The following RABGAP1L variants were observed in gnomAD, a reference collection of about 807,000 sequenced individuals.
RABGAP1L encodes the protein RAB GTPase activating protein 1 like.
RABGAP1L carries 63 observed loss-of-function variants against 137.7 expected under a neutral mutation model. That is an observed-to-expected ratio of 0.46 (90% CI 0.37 to 0.56). RABGAP1L has a LOEUF of 0.56. RABGAP1L is among the 20% of genes least tolerant of loss of function. The pLI is 0.00. For missense variants in RABGAP1L, 1,095 were observed against 1,244.0 expected, an observed-to-expected ratio of 0.88 and a Z score of 1.80; for synonymous variants, 431 against 433.7, an observed-to-expected ratio of 0.99 and a Z score of 0.08.
chr1:174,884,930 G>T (rs188805416), intron 19 of RABGAP1L, among the ~76,000 whole-genome samples: 30 of 152,326 alleles, frequency 2.0e-4, no homozygotes, highest in Non-Finnish European at 2.8e-4. Flanking sequence ...GAATCTGACC[G>T]AGTAATGTTA....
At chr1:174,915,942 T>A (rs915129574) in intron 19 of RABGAP1L, among the ~76,000 whole-genome samples, 1 of 152,298 alleles carries the variant, frequency 6.6e-6, no homozygotes, top group South Asian at 2.1e-4. Context: ...TTTTTTCTTT[T>A]ATGGATTATG....
intron 18 of RABGAP1L, among the ~76,000 whole-genome samples, chr1:174,768,868 G>A (rs1419281596): frequency 1.3e-5 from 2 of 152,164 alleles, no homozygotes; most frequent in Admixed American, 6.5e-5. Flanking sequence ...CAAGAATCTC[G>A]AGTTGCTGCA....
At chr1:174,872,421 T>C (rs577136049) in intron 19 of RABGAP1L, among the ~76,000 whole-genome samples, 1 of 152,312 alleles carries the variant, frequency 6.6e-6, no homozygotes, top group South Asian at 2.1e-4. Context: ...GGTTTCTCAT[T>C]CATATTTTCT....
chr1:174,660,452 C>T, intron 14 of RABGAP1L, among the ~76,000 whole-genome samples: 1 of 152,190 alleles, frequency 6.6e-6, no homozygotes, highest in East Asian at 1.9e-4. Context: ...ATCTTACTGA[C>T]TCCACCTTCA....
At chr1:174,413,188 G>C (rs748676329) in intron 13 of RABGAP1L, among the ~76,000 whole-genome samples, 19 of 151,934 alleles carry the variant, frequency 1.3e-4, no homozygotes, top group Non-Finnish European at 2.1e-4. Context: ...TTTGTTGACT[G>C]TATTAGTTCA....
At chr1:174,201,440 C>T (rs1442300336) in intron 1 of RABGAP1L, among the ~76,000 whole-genome samples, 2 of 152,084 alleles carry the variant, frequency 1.3e-5, no homozygotes, top group Non-Finnish European at 2.9e-5. Context: ...TCAGGTGATC[C>T]GCCCACCTTG....
At chr1:174,817,843 C>T (rs1225917706) in intron 19 of RABGAP1L, among the ~76,000 whole-genome samples, 1 of 152,038 alleles carries the variant, frequency 6.6e-6, no homozygotes, top group African/African-American at 2.4e-5. Context: ...ATTCCAGAGA[C>T]ATTCAAGACA....
In RABGAP1L at chr1:174,994,020, C is replaced by G. The variant is rs1263413339; in HGVS notation, c.*4019C>G. On this transcript the variant is annotated 3_prime_UTR_variant, in exon 26 of 26. Transcript: ENST00000681986. ...AGATTTCAAGAAATGATGATGAAAG[C>G]CAGAAGGCCAGACCACAGCTCTGCA... 6.6e-6 allele frequency: 1 copy of G among 152,182 alleles called. No individual in the cohort carries two copies. Among genetic ancestry groups the G allele is most frequent in the Non-Finnish European group, 1.5e-5 (1 of 68,036 alleles). The allele number at this position is 152,182 out of a possible 1,614,324, so 9.4% of individuals were successfully genotyped here.
intron 1 of RABGAP1L, among the ~76,000 whole-genome samples, chr1:174,172,535 A>T (rs927311612): frequency 6.6e-6 from 1 of 152,208 alleles, no homozygotes; most frequent in African/African-American, 2.4e-5. Flanking sequence ...GATAATAGCC[A>T]TCCAAACAGG....
chr1:174,724,213 A>T (rs777446176), intron 17 of RABGAP1L, among the ~76,000 whole-genome samples: 4 of 152,224 alleles, frequency 2.6e-5, no homozygotes, highest in Non-Finnish European at 5.9e-5. Flanking sequence ...CATTTACATG[A>T]TGTGGCTTTT....
At chr1:174,530,394 T>C (rs1401370314) in intron 13 of RABGAP1L, among the ~76,000 whole-genome samples, 2 of 152,158 alleles carry the variant, frequency 1.3e-5, no homozygotes, top group African/African-American at 4.8e-5. Context: ...TGTTTAGGTC[T>C]CAGGGAGTGT....
chr1:174,748,368 T>G (rs1684052297), intron 17 of RABGAP1L, among the ~76,000 whole-genome samples: 1 of 152,184 alleles, frequency 6.6e-6, no homozygotes, highest in South Asian at 2.1e-4. Context: ...TGAGAATATC[T>G]CACACAGGAG....
At chr1:174,272,892 CT>C (rs1674677592) in intron 8 of RABGAP1L, among the ~76,000 whole-genome samples, 1 of 151,862 alleles carries the variant, frequency 6.6e-6, no homozygotes, top group Admixed American at 6.6e-5. Flanking sequence ...GTTTCCCTTT[CT>C]GAATTTCTTC....
At chr1:174,369,651 ATTACT>A (rs986233321) in intron 11 of RABGAP1L, among the ~76,000 whole-genome samples, 17 of 152,312 alleles carry the variant, frequency 1.1e-4, no homozygotes, top group African/African-American at 3.1e-4. Context: ...TTCTATTTAC[ATTACT>A]TCTATAGTAG....
chr1:174,674,676 A>G (rs1172247937), intron 14 of RABGAP1L, among the ~76,000 whole-genome samples: 1 of 150,844 alleles, frequency 6.6e-6, no homozygotes, highest in African/African-American at 2.4e-5. Context: ...GACTTCCACA[A>G]TGGTTGAACT....
At chr1:174,897,362 TTAATC>T (rs1657380577) in intron 19 of RABGAP1L, 1 of 152,222 alleles carries the variant, frequency 6.6e-6, no homozygotes, top group Non-Finnish European at 1.5e-5. Context: ...CTCTAATTCT[TTAATC>T]TATGTAGTAG....
chr1:174,868,821 A>G (rs1300157294), intron 19 of RABGAP1L, among the ~76,000 whole-genome samples: 2 of 152,110 alleles, frequency 1.3e-5, no homozygotes, highest in African/African-American at 4.8e-5. Context: ...CCCTATCAAG[A>G]CTTCACCTCC....
intron 1 of RABGAP1L, among the ~76,000 whole-genome samples, chr1:174,182,889 AT>A (rs549034783): frequency 1.3e-5 from 2 of 152,110 alleles, no homozygotes; most frequent in African/African-American, 2.4e-5. Context: ...TTCTTAAGAC[AT>A]TTTTTTCCCA....
chr1:174,510,632 G>GA (rs1294782691), intron 13 of RABGAP1L, among the ~76,000 whole-genome samples: 3 of 152,216 alleles, frequency 2.0e-5, no homozygotes, highest in African/African-American at 7.2e-5. Context: ...GTTTCATTTT[G>GA]AAAAGGTTTC....
Sources: allele counts gnomAD v4.1 joint callset (sites outside exome capture counted in the v4.1 genomes callset), GRCh38; gene constraint gnomAD v4.1.1; transcripts MANE v1.5; gene names NCBI Gene and HGNC (gene_info 2026-07-23, HGNC 2026-07-21).